Variants in SLC4A4 observed in about 807,000 individuals in gnomAD.
SLC4A4 encodes the protein electrogenic sodium bicarbonate cotransporter 1.
In SLC4A4, 27 loss-of-function variants were observed where a neutral mutation model predicts 111.5. The ratio of observed to expected loss-of-function variants is 0.24; its 90% CI spans 0.18 to 0.33. The LOEUF (loss-of-function observed/expected upper bound fraction) is 0.33, where lower values mean the gene tolerates loss of function less well. SLC4A4 is among the 10% of genes least tolerant of loss of function. The pLI is 1.00. For missense variants in SLC4A4, 909 were observed against 1,315.5 expected, an observed-to-expected ratio of 0.69 and a Z score of 4.78; for synonymous variants, 443 against 463.4, an observed-to-expected ratio of 0.96 and a Z score of 0.57.
chr4:71,299,551 G>T (rs1009426188), intron 3 of SLC4A4, among the ~76,000 whole-genome samples: 18 of 152,210 alleles, frequency 1.2e-4, no homozygotes, highest in Non-Finnish European at 8.8e-5. Flanking sequence ...AGGATGATCA[G>T]AGAGGTCAGG....
chr4:71,320,181 A>C (rs16846277), intron 3 of SLC4A4, among the ~76,000 whole-genome samples: 2 of 152,010 alleles, frequency 1.3e-5, no homozygotes, highest in Non-Finnish European at 1.5e-5. Context: ...ATTCATTTTC[A>C]TATTACTAGA....
At chr4:71,426,764 G>C (rs1022774692) in intron 7 of SLC4A4, among the ~76,000 whole-genome samples, 3 of 152,060 alleles carry the variant, frequency 2.0e-5, no homozygotes, top group Non-Finnish European at 2.9e-5. Context: ...TGGAATATTA[G>C]AGTTTGATTA....
intron 3 of SLC4A4, among the ~76,000 whole-genome samples, chr4:71,291,198 G>T (rs866119714): frequency 4.6e-5 from 7 of 152,152 alleles, no homozygotes; most frequent in Non-Finnish European, 8.8e-5. Flanking sequence ...CTGAAGAAGA[G>T]AAATTTGTAT....
At chr4:71,416,766 G>T (rs1272209897) in intron 7 of SLC4A4, among the ~76,000 whole-genome samples, 1 of 151,966 alleles carries the variant, frequency 6.6e-6, no homozygotes. Context: ...GGTAACAATG[G>T]TGCCTTTAGA....
At chr4:71,105,512 C>T (rs556338421) in intron 2 of SLC4A4, among the ~76,000 whole-genome samples, 5 of 151,688 alleles carry the variant, frequency 3.3e-5, no homozygotes, top group Non-Finnish European at 2.9e-5. Context: ...CACTACCTGA[C>T]TTGAAACTAT....
chr4:71,274,680 A>T (rs1042531783), intron 3 of SLC4A4, among the ~76,000 whole-genome samples: 1 of 152,122 alleles, frequency 6.6e-6, no homozygotes, highest in Non-Finnish European at 1.5e-5. Context: ...AACACTCAAG[A>T]GGTGGAGTTC....
At chr4:71,172,033 G>T (rs1158266528) in intron 2 of SLC4A4, among the ~76,000 whole-genome samples, 1 of 151,916 alleles carries the variant, frequency 6.6e-6, no homozygotes, top group Non-Finnish European at 1.5e-5. Context: ...AACTTCCCTG[G>T]ACTAGGACAC....
rs1721363212 is a variant in SLC4A4 at position 71,255,287 on chromosome 4, A to G, written c.141A>G (p.Arg47=). The part of the protein sequence containing the change: ...KSYRRRRRHK[R]KTGHKEKKEK... ...ACAGGAGAAGGAGACGTCACAAGAG[A>G]AAGACAGGGCACAAAGAAAAGAAGG... The change falls in exon 3 of 26, where the codon AGA becomes AGG. Residue 47 remains arginine, a synonymous_variant. Coordinates refer to ENST00000264485, the MANE Select transcript of SLC4A4 (RefSeq NM_001098484.3). 1 of 1,613,548 alleles carries G rather than the reference A, an allele frequency of 6.2e-7. No individual in the cohort carries two copies. The highest frequency in any genetic ancestry group is 8.5e-7 in the Non-Finnish European group (1 of 1,179,600).
chr4:71,364,248 T>C (rs183891215), intron 6 of SLC4A4, among the ~76,000 whole-genome samples: 4 of 152,336 alleles, frequency 2.6e-5, no homozygotes, highest in Admixed American at 6.5e-5. Context: ...TTTAGTAGCA[T>C]TGTGGTTATG....
chr4:71,542,968 G>A (rs974750337), intron 18 of SLC4A4, among the ~76,000 whole-genome samples: 1 of 152,070 alleles, frequency 6.6e-6, no homozygotes, highest in Non-Finnish European at 1.5e-5. Context: ...TGCTAGTTTG[G>A]TGGTGAACAA....
intron 7 of SLC4A4, among the ~76,000 whole-genome samples, chr4:71,423,401 T>C (rs1722756839): frequency 6.6e-6 from 1 of 152,108 alleles, no homozygotes; most frequent in South Asian, 2.1e-4. Context: ...ATCGTGAAAA[T>C]GGCCATACTG....
intron 6 of SLC4A4, among the ~76,000 whole-genome samples, chr4:71,385,842 A>T (rs1718664266): frequency 6.6e-6 from 1 of 151,918 alleles, no homozygotes; most frequent in African/African-American, 2.4e-5. Flanking sequence ...GCTTTACGAG[A>T]CTGATTGCTT....
intron 1 of SLC4A4, among the ~76,000 whole-genome samples, chr4:71,210,401 C>T (rs933240112): frequency 6.6e-6 from 1 of 152,174 alleles, no homozygotes; most frequent in African/African-American, 2.4e-5. Flanking sequence ...ATTTCTAGAA[C>T]CAAAGTAACA....
intron 3 of SLC4A4, among the ~76,000 whole-genome samples, chr4:71,312,359 A>C (rs1056298413): frequency 5.3e-5 from 8 of 152,350 alleles, no homozygotes; most frequent in Non-Finnish European, 5.9e-5. Context: ...AGGAGCTGGT[A>C]CCATTCCTTC....
rs946380196 is a variant in SLC4A4 at position 71,568,999 on chromosome 4, A to C, written c.*1248A>C. 22 of 151,768 alleles carry C rather than the reference A, an allele frequency of 1.4e-4. No homozygotes were observed. The highest frequency in any genetic ancestry group is 1.1e-3 in the Admixed American group (17 of 15,194). 9.4% of individuals were successfully genotyped at this position (151,768 alleles called of 1,614,324 possible). A position where few individuals can be genotyped will look rare whatever the true frequency, so the allele number is the denominator to read the frequency against. On this transcript the variant is annotated 3_prime_UTR_variant, in exon 26 of 26. Coordinates refer to ENST00000264485, the MANE Select transcript of SLC4A4 (RefSeq NM_001098484.3). ...GTATTACCACGTCAATGTCCTATGCAGTATTGTTAGACATTTTCTCATTTT... is the reference window on the plus strand; with the variant it reads ...GTATTACCACGTCAATGTCCTATGCCGTATTGTTAGACATTTTCTCATTTT...
intron 2 of SLC4A4, among the ~76,000 whole-genome samples, chr4:71,108,623 C>CT (rs1361322010): frequency 6.6e-6 from 1 of 152,132 alleles, no homozygotes; most frequent in Non-Finnish European, 1.5e-5. Context: ...GGATGGGTCT[C>CT]TGAGTTTAAC....
chr4:71,280,000 G>A (rs187261867), intron 3 of SLC4A4, among the ~76,000 whole-genome samples: 1 of 152,230 alleles, frequency 6.6e-6, no homozygotes, highest in East Asian at 1.9e-4. Flanking sequence ...TCACCATGTT[G>A]GGCAGGCTGT....
intron 1 of SLC4A4, among the ~76,000 whole-genome samples, chr4:71,188,985 T>C (rs891155009): frequency 6.6e-6 from 1 of 152,234 alleles, no homozygotes; most frequent in Non-Finnish European, 1.5e-5. Context: ...GTTTTAACTG[T>C]ATCCCACACT....
chr4:71,436,194 G>A (rs1054644615), intron 7 of SLC4A4, among the ~76,000 whole-genome samples: 4 of 152,192 alleles, frequency 2.6e-5, no homozygotes, highest in African/African-American at 9.7e-5. Flanking sequence ...TAAAGAAAAT[G>A]TGGCATATAT....
Sources: gnomAD v4.1 joint callset for allele counts (sites outside exome capture counted in the v4.1 genomes callset) on GRCh38, gnomAD v4.1.1 for gene constraint, MANE v1.5 for transcripts, NCBI Gene and HGNC (gene_info 2026-07-23, HGNC 2026-07-21) for gene names.